Variants in ACYP2 observed in about 807,000 individuals in gnomAD.
The protein encoded by ACYP2 is acylphosphatase-2.
ACYP2 carries 12 observed loss-of-function variants against 11.2 expected under a neutral mutation model. That is an observed-to-expected ratio of 1.08 (90% confidence interval 0.69 to 1.74). The LOEUF is 1.74. Ranked by LOEUF, ACYP2 falls within the 40% of genes most tolerant of loss-of-function variation. The pLI, the probability that ACYP2 is intolerant of heterozygous loss-of-function variation, is 0.00. For missense variants in ACYP2, 134 were observed against 101.9 expected, an observed-to-expected ratio of 1.31 and a Z score of -1.35; for synonymous variants, 43 against 32.2, an observed-to-expected ratio of 1.33 and a Z score of -1.13.
intron 4 of ACYP2, among the ~76,000 whole-genome samples, chr2:54,060,006 T>C (rs1676380770): frequency 6.6e-6 from 1 of 152,226 alleles, no homozygotes; most frequent in South Asian, 2.1e-4. Context: ...CTTAGTTTCC[T>C]GAAATTCCAT....
At chr2:54,154,123 A>G (rs1682328009) in intron 6 of ACYP2, among the ~76,000 whole-genome samples, 1 of 151,832 alleles carries the variant, frequency 6.6e-6, no homozygotes, top group Non-Finnish European at 1.5e-5. Context: ...TTGCTAGTGT[A>G]TAGGAATGCT....
At chr2:54,016,585 G>A (rs981692744) in intron 2 of ACYP2, among the ~76,000 whole-genome samples, 4 of 152,068 alleles carry the variant, frequency 2.6e-5, no homozygotes, top group East Asian at 1.9e-4. Context: ...AGAAATGAAG[G>A]TTCTAATAGA....
intron 6 of ACYP2, chr2:54,256,043 C>T (rs1228674358): frequency 6.2e-7 from 1 of 1,614,188 alleles, no homozygotes; most frequent in Non-Finnish European, 8.5e-7. Context: ...AACATATCTG[C>T]CATTACCTCT....
intron 2 of ACYP2, among the ~76,000 whole-genome samples, chr2:54,040,878 G>T (rs1403537046): frequency 6.6e-6 from 1 of 152,124 alleles, no homozygotes; most frequent in Non-Finnish European, 1.5e-5. Context: ...GGAGGTAGTA[G>T]CTGAAAGAGG....
chr2:54,116,587 G>A (rs1274907204), intron 4 of ACYP2, among the ~76,000 whole-genome samples: 1 of 147,742 alleles, frequency 6.8e-6, no homozygotes, highest in Admixed American at 6.8e-5. Flanking sequence ...TAAGTGTAAT[G>A]CTTTTTCTTA....
At chr2:54,116,618 T>G (rs1679816191) in intron 4 of ACYP2, among the ~76,000 whole-genome samples, 1 of 151,900 alleles carries the variant, frequency 6.6e-6, no homozygotes, top group African/African-American at 2.4e-5. Context: ...ACAATAAGGC[T>G]CTCTTAGAAA....
chr2:53,973,373 T>TCC (rs1174198069), intron 1 of ACYP2, among the ~76,000 whole-genome samples: 3 of 152,092 alleles, frequency 2.0e-5, no homozygotes, highest in Admixed American at 6.6e-5. Flanking sequence ...AGCCATCATA[T>TCC]CCCCAGTGAC....
chr2:54,294,682 G>A (rs1350174298), intron 6 of ACYP2, among the ~76,000 whole-genome samples: 1 of 151,974 alleles, frequency 6.6e-6, no homozygotes, highest in Non-Finnish European at 1.5e-5. Flanking sequence ...AGGCTGAGGT[G>A]TGAGAAGTGC....
intron 4 of ACYP2, among the ~76,000 whole-genome samples, chr2:54,062,542 C>CA (rs1372150802): frequency 6.6e-6 from 1 of 152,184 alleles, no homozygotes; most frequent in Non-Finnish European, 1.5e-5. Context: ...TAGGGACTGT[C>CA]ATGTACCATA....
At chr2:54,091,863 G>A (rs551949296) in intron 4 of ACYP2, among the ~76,000 whole-genome samples, 35 of 152,218 alleles carry the variant, frequency 2.3e-4, no homozygotes, top group Non-Finnish European at 4.1e-4. Context: ...CTAGTTCCAG[G>A]TCTCTTTGTT....
At chr2:54,008,176 T>C (rs1223339895) in intron 2 of ACYP2, among the ~76,000 whole-genome samples, 2 of 152,246 alleles carry the variant, frequency 1.3e-5, no homozygotes, top group Non-Finnish European at 2.9e-5. Context: ...AATGCCTCTT[T>C]CCTAGACTGC....
intron 3 of ACYP2, among the ~76,000 whole-genome samples, chr2:54,053,893 C>G (rs914404773): frequency 6.6e-6 from 1 of 152,352 alleles, no homozygotes; most frequent in African/African-American, 2.4e-5. Context: ...AAAGTTTACT[C>G]TCACTGGGAG....
At chr2:53,994,848 A>G (rs1672492787) in intron 2 of ACYP2, among the ~76,000 whole-genome samples, 1 of 152,290 alleles carries the variant, frequency 6.6e-6, no homozygotes, top group Non-Finnish European at 1.5e-5. Flanking sequence ...CTGGCATTAC[A>G]TTATAACTTC....
At chr2:54,139,124 G>C (rs1488837092) in intron 6 of ACYP2, among the ~76,000 whole-genome samples, 1 of 152,156 alleles carries the variant, frequency 6.6e-6, no homozygotes, top group East Asian at 1.9e-4. Flanking sequence ...ACTTGGGCTG[G>C]CCTCGAGAAG....
chr2:54,192,180 A>G (rs751408418), intron 6 of ACYP2, among the ~76,000 whole-genome samples: 8 of 152,216 alleles, frequency 5.3e-5, no homozygotes, highest in South Asian at 4.1e-4. Flanking sequence ...ACATACACAC[A>G]TATCAGTGTA....
chr2:54,280,768 G>GAGTA (rs1688813160), intron 6 of ACYP2, among the ~76,000 whole-genome samples: 1 of 152,218 alleles, frequency 6.6e-6, no homozygotes, highest in South Asian at 2.1e-4. Context: ...ATGGGTAGAA[G>GAGTA]AGTAAGTGTG....
At chr2:53,982,339 G>A (rs1671806027) in intron 2 of ACYP2, among the ~76,000 whole-genome samples, 1 of 152,082 alleles carries the variant, frequency 6.6e-6, no homozygotes, top group Non-Finnish European at 1.5e-5. Context: ...ACACATAAAA[G>A]GTATAATATA....
intron 2 of ACYP2, among the ~76,000 whole-genome samples, chr2:54,018,172 C>T (rs1158546130): frequency 1.3e-5 from 2 of 152,138 alleles, no homozygotes; most frequent in Non-Finnish European, 2.9e-5. Flanking sequence ...AGATGTAGAC[C>T]AGTAGTTCTC....
intron 6 of ACYP2, among the ~76,000 whole-genome samples, chr2:54,217,828 G>A (rs1003854944): frequency 3.9e-5 from 6 of 152,302 alleles, no homozygotes; most frequent in African/African-American, 1.4e-4. Context: ...GTAGAGAATA[G>A]CATGATAACT....
Sources: gnomAD v4.1 joint callset for allele counts (sites outside exome capture counted in the v4.1 genomes callset) on GRCh38, gnomAD v4.1.1 for gene constraint, MANE v1.5 for transcripts, NCBI Gene and HGNC (gene_info 2026-07-23, HGNC 2026-07-21) for gene names.